ROBO1: variants seen among roughly 807,000 people sequenced by gnomAD.
ROBO1 encodes the protein roundabout guidance receptor 1.
ROBO1 carries 149 observed loss-of-function variants against 195.9 expected under a neutral mutation model. That is an observed-to-expected ratio of 0.76 (90% CI 0.67 to 0.87). The LOEUF is 0.87. ROBO1 is among the 40% of genes least tolerant of loss of function. The pLI is 0.00. For synonymous variants in ROBO1, 816 were observed against 733.2 expected (o/e 1.11, Z -1.82); for missense variants, 1,933 against 2,068.3 (o/e 0.93, Z 1.27).
intron 3 of ROBO1, among the ~76,000 whole-genome samples, chr3:79,010,934 A>G (rs927820925): frequency 6.6e-6 from 1 of 152,182 alleles, no homozygotes; most frequent in African/African-American, 2.4e-5. Context: ...CATTCATTTT[A>G]GAAAGTGGTC....
chr3:79,085,346 C>T lies in ROBO1; in HGVS notation c.172+40110G>A, dbSNP rs567127753. ...CATCATTGCAAGCTATCCTAATCCACAAAAATTTAGAAACACTAACATGTG... is the reference window on the plus strand; with the variant it reads ...CATCATTGCAAGCTATCCTAATCCATAAAAATTTAGAAACACTAACATGTG... On this transcript the variant is annotated intron_variant, in intron 3 of 30. Transcript: ENST00000464233. Among the ~76,000 whole-genome samples the T allele has an allele frequency of 7.2e-4, 109 of 152,220 alleles. No individual in the cohort carries two copies. The Middle Eastern group carries it at 0.014, about 19-fold the overall frequency.
At chr3:79,193,316 A>G (rs1050541207) in intron 2 of ROBO1, among the ~76,000 whole-genome samples, 3 of 151,700 alleles carry the variant, frequency 2.0e-5, no homozygotes, top group African/African-American at 7.3e-5. Context: ...AATTCAGGAC[A>G]TACTTTTCCA....
Position 78,730,496 on chromosome 3 carries a change from C to T in ROBO1, c.658-12613G>A, listed in dbSNP as rs2082262484. On this transcript the variant is annotated intron_variant, in intron 5 of 30. Transcript: ENST00000464233. ...TTTAATATTACTAATTAAGATTCTA[C>T]AGAAGAAGAAATATTCCTAAAATAG... 4.5e-5 allele frequency among the ~76,000 whole-genome samples: 3 copies of T among 66,454 alleles called. 1 individual carries two copies. The highest frequency in any genetic ancestry group is 3.4e-4 in the East Asian group (1 of 2,978). 43.6% of individuals were successfully genotyped at this position (66,454 alleles called of 152,430 possible).
chr3:79,667,467 A>C (rs905893105), intron 1 of ROBO1, among the ~76,000 whole-genome samples: 1 of 151,840 alleles, frequency 6.6e-6, no homozygotes, highest in East Asian at 1.9e-4. Flanking sequence ...AATGACCCAT[A>C]CACAGGATTT....
At chr3:78,900,797 A>G (rs946003374) in intron 4 of ROBO1, among the ~76,000 whole-genome samples, 2 of 152,188 alleles carry the variant, frequency 1.3e-5, no homozygotes, top group Non-Finnish European at 2.9e-5. Flanking sequence ...CCAATTTCCA[A>G]TATAAATTTA....
At chr3:78,711,350 C>T (rs867702494) in intron 8 of ROBO1, among the ~76,000 whole-genome samples, 953 of 46,388 alleles carry the variant, frequency 0.021, 23 homozygotes, top group East Asian at 0.077. Context: ...CTTCCTTCCT[C>T]CTTCCTTCCT....
At chr3:79,312,455 A>G (rs1186359273) in intron 2 of ROBO1, among the ~76,000 whole-genome samples, 2 of 152,234 alleles carry the variant, frequency 1.3e-5, no homozygotes, top group Non-Finnish European at 2.9e-5. Context: ...GCCCAGAGCA[A>G]CTACTGAGAG....
intron 3 of ROBO1, among the ~76,000 whole-genome samples, chr3:79,123,039 C>T (rs2080149279): frequency 6.6e-6 from 1 of 151,986 alleles, no homozygotes; most frequent in South Asian, 2.1e-4. Flanking sequence ...TGCTTGTTAA[C>T]ATCGTTTTGT....
At chr3:79,211,210 A>G (rs1328334691) in intron 2 of ROBO1, among the ~76,000 whole-genome samples, 6 of 152,086 alleles carry the variant, frequency 3.9e-5, no homozygotes, top group Non-Finnish European at 8.8e-5. Context: ...GAGACAGTCA[A>G]TCAAGTCAAG....
At position 79,324,636 on chromosome 3, in the gene ROBO1, G is replaced by A. The variant is rs569624698; in HGVS notation, c.89-199097C>T. On this transcript the variant is annotated intron_variant, in intron 2 of 30. Transcript: ENST00000464233. ...AAGCTTGGAATGGATCTTGAGGCCTGGAAAGAGAGGGAAAGAGAAAGAGAG... is the reference window on the plus strand; with the variant it reads ...AAGCTTGGAATGGATCTTGAGGCCTAGAAAGAGAGGGAAAGAGAAAGAGAG... Among the ~76,000 whole-genome samples, 27 of 152,218 alleles carry A rather than the reference G, an allele frequency of 1.8e-4. No homozygotes were observed. In the South Asian group the frequency reaches 4.8e-3, roughly 27 times the overall value.
chr3:79,463,826 C>G (rs1318532644), intron 2 of ROBO1, among the ~76,000 whole-genome samples: 1 of 152,116 alleles, frequency 6.6e-6, no homozygotes, highest in African/African-American at 2.4e-5. Flanking sequence ...TATACAACCC[C>G]ATGGTTTTTA....
At chr3:78,884,631 A>AAG (rs767831954) in intron 4 of ROBO1, among the ~76,000 whole-genome samples, 4 of 103,570 alleles carry the variant, frequency 3.9e-5, no homozygotes, top group South Asian at 3.3e-4. Flanking sequence ...GAGAGAAAGA[A>AAG]AGAGAAAGAA....
At chr3:78,959,434 A>G (rs183078873) in intron 3 of ROBO1, among the ~76,000 whole-genome samples, 1 of 152,338 alleles carries the variant, frequency 6.6e-6, no homozygotes. Context: ...TTTTATATTA[A>G]TTTTAAAACC....
intron 2 of ROBO1, among the ~76,000 whole-genome samples, chr3:79,233,687 T>G (rs943284184): frequency 6.6e-6 from 1 of 152,090 alleles, no homozygotes; most frequent in Non-Finnish European, 1.5e-5. Flanking sequence ...CATTCTTTTC[T>G]CATTGGTATC....
chr3:79,635,066 C>G (rs140566601), intron 1 of ROBO1, among the ~76,000 whole-genome samples: 30 of 152,258 alleles, frequency 2.0e-4, no homozygotes, highest in African/African-American at 7.0e-4. Context: ...AATGCTACTT[C>G]CTGAATTGAA....
intron 1 of ROBO1, among the ~76,000 whole-genome samples, chr3:79,642,248 A>G (rs1945687427): frequency 6.6e-6 from 1 of 152,150 alleles, no homozygotes; most frequent in Non-Finnish European, 1.5e-5. Flanking sequence ...AAAGAATGCA[A>G]TTGAACAAAG....
chr3:78,618,481 T>C (rs1049578862), intron 26 of ROBO1, among the ~76,000 whole-genome samples: 1 of 152,224 alleles, frequency 6.6e-6, no homozygotes, highest in Non-Finnish European at 1.5e-5. Context: ...TTCCCTTTTT[T>C]AAATCACCTC....
At chr3:79,609,637 G>A (rs1396232776) in intron 1 of ROBO1, among the ~76,000 whole-genome samples, 2 of 151,858 alleles carry the variant, frequency 1.3e-5, no homozygotes, top group East Asian at 1.9e-4. Context: ...TAAACAAAAT[G>A]TGGTATAACA....
At position 79,303,159 on chromosome 3, in the gene ROBO1, G is replaced by GTTTTTTTTTTTTTTTTTTTTTTT. The variant is rs368110549; in HGVS notation, c.89-177621_89-177620insAAAAAAAAAAAAAAAAAAAAAAA. Among the ~76,000 whole-genome samples, 30 of 72,090 alleles carry GTTTTTTTTTTTTTTTTTTTTTTT rather than the reference G, an allele frequency of 4.2e-4. 13 individuals are homozygous for GTTTTTTTTTTTTTTTTTTTTTTT. Among genetic ancestry groups the GTTTTTTTTTTTTTTTTTTTTTTT allele is most frequent in the African/African-American group, 5.7e-4 (9 of 15,670 alleles). The allele number at this position is 72,090 out of a possible 152,430, so 47.3% of individuals were successfully genotyped here. On this transcript the variant is annotated intron_variant, in intron 2 of 30. Transcript: ENST00000464233. ...ATTAATATATGAATTATCTCACATAGGTTTTTTTTTTTTTTTTTTTTTTTG... is the reference window on the plus strand; with the variant it reads ...ATTAATATATGAATTATCTCACATAGTTTTTTTTTTTTTTTTTTTTTTTGTTTTTTTTTTTTTTTTTTTTTTTG...
Sources: allele counts gnomAD v4.1 joint callset (sites outside exome capture counted in the v4.1 genomes callset), GRCh38; gene constraint gnomAD v4.1.1; transcripts MANE v1.5; gene names NCBI Gene and HGNC (gene_info 2026-07-23, HGNC 2026-07-21).